The following PCNT variants were observed in gnomAD, a reference collection of about 807,000 sequenced individuals.
PCNT encodes kendrin.
In PCNT, 319 loss-of-function variants were observed where a neutral mutation model predicts 380.4. That is an observed-to-expected ratio of 0.84 (90% CI 0.77 to 0.92). The LOEUF (loss-of-function observed/expected upper bound fraction) is 0.92, where lower values mean the gene tolerates loss of function less well. Among genes scored for constraint, PCNT ranks in the 40% least tolerant of loss-of-function variants. The pLI is 0.00. For missense variants in PCNT, 4,400 were observed against 4,255.3 expected (o/e 1.03, Z -0.95); for synonymous variants, 1,845 against 1,735.2 (o/e 1.06, Z -1.57).
chr21:46,374,849 CAAA>C (rs760273140), intron 15 of PCNT, among the ~76,000 whole-genome samples: 11 of 85,548 alleles, frequency 1.3e-4, no homozygotes, highest in Admixed American at 7.1e-4. Flanking sequence ...AACTTCGTCT[CAAA>C]AAAAAAAAAA....
chr21:46,418,792 T>A (rs938945819), intron 31 of PCNT, among the ~76,000 whole-genome samples: 9 of 152,240 alleles, frequency 5.9e-5, no homozygotes, highest in Non-Finnish European at 1.3e-4. Context: ...GCACCGGCCC[T>A]GGAGAGGAGC....
Position 46,347,028 on chromosome 21 carries a change from C to T in PCNT, c.976+30C>T, listed in dbSNP as rs763681248. On this transcript the variant is annotated intron_variant, in intron 5 of 46. Transcript: ENST00000359568. ...TGCATGGCTAGGCGGGCACGGGCAG[C>T]GTGTGGGCTCGGTGTGGGCATTCTA... is the stretch of plus-strand genomic sequence containing the variant. The T allele has an allele frequency of 2.3e-5, 36 of 1,580,816 alleles. 1 individual carries two copies. The highest frequency in any genetic ancestry group is 1.1e-4 in the East Asian group (5 of 43,892).
chr21:46,325,954 G>C (rs1257392653), intron 1 of PCNT, among the ~76,000 whole-genome samples: 1 of 152,198 alleles, frequency 6.6e-6, no homozygotes, highest in Non-Finnish European at 1.5e-5. Flanking sequence ...TCTATGGCTA[G>C]GAAGTTTTGG....
At chr21:46,441,130 T>A (rs1258952951) in intron 43 of PCNT, 46 bp downstream of exon 43, 1 of 1,173,514 alleles carries the variant, frequency 8.5e-7, no homozygotes, top group Non-Finnish European at 1.3e-6. Context: ...TCTGTCTCCG[T>A]GAGTGGGCAG....
At chr21:46,360,513 G>C (rs59229299) in intron 13 of PCNT, among the ~76,000 whole-genome samples, 2,974 of 91,468 alleles carry the variant, frequency 0.033, 114 homozygotes, top group African/African-American at 0.12. Flanking sequence ...GTGAGCCACT[G>C]CGCCGGCTTT....
chr21:46,422,477 G>A (rs756313002), intron 32 of PCNT, among the ~76,000 whole-genome samples: 85 of 150,260 alleles, frequency 5.7e-4, no homozygotes, highest in Admixed American at 2.6e-3. Flanking sequence ...ACCAGACGCC[G>A]CAGTGCTCTA....
In PCNT at chr21:46,432,227, C is replaced by A. The variant is rs1405538473; in HGVS notation, c.8751+12C>A. The A allele has an allele frequency of 6.2e-6, 10 of 1,601,210 alleles. No individual in the cohort carries two copies. Among genetic ancestry groups the A allele is most frequent in the Non-Finnish European group, 8.5e-6 (10 of 1,175,030 alleles). The stretch of plus-strand genomic sequence containing the variant: ...ACAAGGAGAAGCTGGTGAGAGCCGC[C>A]TGCCGGCGGAGCGTCCACACCTAAA... On this transcript the variant is annotated intron_variant, in intron 38 of 46. Transcript: ENST00000359568.
At chr21:46,339,311 G>C (rs1264398914) in intron 3 of PCNT, among the ~76,000 whole-genome samples, 1 of 152,206 alleles carries the variant, frequency 6.6e-6, no homozygotes, top group African/African-American at 2.4e-5. Flanking sequence ...CCCCTCTCTA[G>C]CTTGTGTTCA....
At chr21:46,333,852 A>G (rs2083637066) in intron 2 of PCNT, among the ~76,000 whole-genome samples, 1 of 151,518 alleles carries the variant, frequency 6.6e-6, no homozygotes, top group Non-Finnish European at 1.5e-5. Flanking sequence ...AAAAAAAAAA[A>G]GTAGAATTCA....
intron 30 of PCNT, among the ~76,000 whole-genome samples, chr21:46,417,083 C>T (rs1029124238): frequency 7.9e-5 from 12 of 152,118 alleles, no homozygotes; most frequent in South Asian, 2.1e-4. Context: ...TCTCCACTGA[C>T]GCTGACTCCA....
At chr21:46,343,406 T>G (rs2083965169) in intron 3 of PCNT, among the ~76,000 whole-genome samples, 2 of 152,178 alleles carry the variant, frequency 1.3e-5, no homozygotes, top group Admixed American at 6.6e-5. Context: ...GATTTTTCTT[T>G]TTAATGCTGT....
At position 46,391,103 on chromosome 21, in the gene PCNT, C is replaced by G. The variant is rs970732585; in HGVS notation, c.4004-61C>G. On this transcript the variant is annotated intron_variant, in intron 20 of 46. Coordinates refer to ENST00000359568, the MANE Select transcript of PCNT (RefSeq NM_006031.6). ...CAGTGGCCCCGTCCCTTCCTCCAAG[C>G]AGGCTCTCCTCAGTTACACCCAGGA... The G allele has an allele frequency of 4.1e-6, 6 of 1,464,416 alleles. No individual in the cohort carries two copies. In the Admixed American group the frequency reaches 7.9e-5, roughly 19 times the overall value. The allele number at this position is 1,464,416 out of a possible 1,614,324, so 90.7% of individuals were successfully genotyped here.
intron 2 of PCNT, among the ~76,000 whole-genome samples, chr21:46,331,004 G>A (rs1031280405): frequency 6.6e-6 from 1 of 152,116 alleles, no homozygotes; most frequent in African/African-American, 2.4e-5. Context: ...TTATTGAACA[G>A]CATAAGAAGA....
chr21:46,389,470 C>T (rs771780047), intron 19 of PCNT, 39 bp downstream of exon 19: 13 of 1,520,982 alleles, frequency 8.5e-6, no homozygotes, highest in African/African-American at 1.4e-5. Flanking sequence ...GAGATGTGAA[C>T]AACTGAGTAG....
intron 24 of PCNT, 27 bp downstream of exon 24, chr21:46,398,282 C>T (rs368733347): frequency 4.4e-6 from 7 of 1,590,640 alleles, no homozygotes; most frequent in Non-Finnish European, 6.0e-6. Flanking sequence ...GAGATGGGCA[C>T]TCCCTGCGCT....
chr21:46,353,297 A>G lies in PCNT; in HGVS notation c.1650A>G (p.Glu550=). The stretch of plus-strand genomic sequence containing the variant: ...AGCAGAGGCTGCAGGGGGCGAGGGA[A>G]GATGCTCTTCTGGACTCTGTGGAAG... ...LLQQRLQGAR[E]DALLDSVEVG... Residue 550 remains glutamate, a synonymous_variant, in exon 10 of 47, where the codon GAA becomes GAG. Transcript: ENST00000359568. 6.2e-7 allele frequency: 1 copy of G among 1,614,142 alleles called. No individual in the cohort carries two copies.
intron 16 of PCNT, 37 bp downstream of exon 16, chr21:46,381,877 GTA>G: frequency 6.2e-7 from 1 of 1,609,066 alleles, no homozygotes; most frequent in African/African-American, 1.3e-5. Flanking sequence ...GATAAGACGT[GTA>G]TAGCATAAAA....
Position 46,355,536 on chromosome 21 carries a change from C to T in PCNT, c.1846C>T (p.His616Tyr), listed in dbSNP as rs2084441410. The T allele has an allele frequency of 1.9e-6, 3 of 1,613,970 alleles. No homozygotes were observed. The highest frequency in any genetic ancestry group is 2.5e-6 in the Non-Finnish European group (3 of 1,179,860). ...EALESPLCIQ[H>Y]EGHVSDRCCV... is the part of the protein sequence containing the mutation. Reference sequence around the variant, plus strand: ...GCTGGAGTCTCCCCTCTGCATCCAGCACGAGGGGCATGTCTCAGACAGATG... The same window carrying T: ...GCTGGAGTCTCCCCTCTGCATCCAGTACGAGGGGCATGTCTCAGACAGATG... The change falls in exon 12 of 47, where the codon CAC becomes TAC. Residue 616 changes from histidine (H) to tyrosine (Y), a missense_variant. Physicochemically the swap from His to Tyr is moderately conservative, Grantham distance 83. Coordinates refer to ENST00000359568, the MANE Select transcript of PCNT (RefSeq NM_006031.6).
At position 46,346,099 on chromosome 21, in the gene PCNT, G is replaced by A. The variant is rs751035615; in HGVS notation, c.640-29G>A. ...ACTGTGGCTTCTCATGTGAATTCTG[G>A]ACCTACATTCTTTGCCTTTTTTCCC... On this transcript the variant is annotated intron_variant, in intron 3 of 46. Coordinates refer to ENST00000359568, the MANE Select transcript of PCNT (RefSeq NM_006031.6). 5.6e-6 allele frequency: 9 copies of A among 1,603,882 alleles called. No homozygotes were observed. The South Asian group carries it at 9.9e-5, about 18-fold the overall frequency.
Sources: allele counts gnomAD v4.1 joint callset (sites outside exome capture counted in the v4.1 genomes callset), GRCh38; gene constraint gnomAD v4.1.1; transcripts MANE v1.5; gene names NCBI Gene and HGNC (gene_info 2026-07-23, HGNC 2026-07-21).